Variants in CYP11A1 observed in about 807,000 individuals in gnomAD.
CYP11A1 encodes the protein cytochrome P450 family 11 subfamily A member 1.
CYP11A1 carries 25 observed loss-of-function variants against 51.9 expected under a neutral mutation model. That is an observed-to-expected ratio of 0.48 (90% CI 0.35 to 0.67). The LOEUF (loss-of-function observed/expected upper bound fraction) is 0.67, where lower values mean the gene tolerates loss of function less well. Ranked by LOEUF, CYP11A1 falls within the 30% of genes least tolerant of loss-of-function variation. The pLI, the probability that CYP11A1 is intolerant of heterozygous loss-of-function variation, is 0.00. For synonymous variants in CYP11A1, 245 were observed against 262.1 expected (o/e 0.93, Z 0.63); for missense variants, 578 against 680.9 (o/e 0.85, Z 1.68).
Position 74,345,289 on chromosome 15 carries a change from G to C in CYP11A1, c.426-46C>G, listed in dbSNP as rs2060627915. Reference sequence around the variant, plus strand: ...AAGCCCTCATGGTCACAGACCCCAGGCCTGGTGAACACAGAGGGGGCTGAC... The same window carrying C: ...AAGCCCTCATGGTCACAGACCCCAGCCCTGGTGAACACAGAGGGGGCTGAC... On this transcript the variant is annotated intron_variant, in intron 2 of 8. Coordinates refer to ENST00000268053, the MANE Select transcript of CYP11A1 (RefSeq NM_000781.3). The surrounding 1 kb of genome is among the most constrained non-coding windows in gnomAD (Gnocchi z 4.3). 4 of 1,607,248 alleles carry C rather than the reference G, an allele frequency of 2.5e-6. No individual in the cohort carries two copies. Among genetic ancestry groups the C allele is most frequent in the Non-Finnish European group, 1.7e-6 (2 of 1,173,956 alleles).
In CYP11A1 at chr15:74,367,183, A is replaced by G. The variant is rs1165050548; in HGVS notation, c.269+134T>C. Reference sequence around the variant, plus strand: ...ATATTTCTGTATTGTATTACCAAAAAAAAAAAAAAAAAAGAAGTTAGACAG... The same window carrying G: ...ATATTTCTGTATTGTATTACCAAAAGAAAAAAAAAAAAAGAAGTTAGACAG... On this transcript the variant is annotated intron_variant, in intron 1 of 8. Coordinates refer to ENST00000268053, the MANE Select transcript of CYP11A1 (RefSeq NM_000781.3). 9 of 723,786 alleles carry G rather than the reference A, an allele frequency of 1.2e-5. No homozygotes were observed. In the South Asian group the frequency reaches 2.1e-4, roughly 17 times the overall value. 44.8% of individuals were successfully genotyped at this position (723,786 alleles called of 1,614,324 possible).
intron 1 of CYP11A1, chr15:74,366,277 ATTTT>A (rs759681873): frequency 2.0e-3 from 1,563 of 772,958 alleles, no homozygotes; most frequent in Middle Eastern, 5.1e-3. Flanking sequence ...CCCTCCCCCG[ATTTT>A]TTTTTTTTTT....
intron 1 of CYP11A1, among the ~76,000 whole-genome samples, chr15:74,352,963 A>C (rs1567055355): frequency 6.6e-6 from 1 of 152,230 alleles, no homozygotes; most frequent in African/African-American, 2.4e-5. Context: ...GGGTTGTGAT[A>C]TGGGGAAATA....
At chr15:74,341,159 T>C (rs138618149) in intron 5 of CYP11A1, among the ~76,000 whole-genome samples, 5,383 of 152,264 alleles carry the variant, frequency 0.035, 136 homozygotes, top group Middle Eastern at 0.095. Flanking sequence ...GATGGTAACA[T>C]ACCTTAGAGG....
intron 1 of CYP11A1, among the ~76,000 whole-genome samples, chr15:74,351,106 C>A (rs1406530623): frequency 6.6e-6 from 1 of 152,206 alleles, no homozygotes; most frequent in Non-Finnish European, 1.5e-5. Context: ...GGGGTTTCCA[C>A]GTGGAGAAGC....
chr15:74,340,818 C>T (rs2060603385), intron 5 of CYP11A1, among the ~76,000 whole-genome samples: 1 of 152,044 alleles, frequency 6.6e-6, no homozygotes. Context: ...TCAACACCTG[C>T]CTGCTGCTCC....
At chr15:74,367,293 G>A (rs1408818835) in intron 1 of CYP11A1, 24 bp downstream of exon 1, 1 of 1,614,014 alleles carries the variant, frequency 6.2e-7, no homozygotes, top group East Asian at 2.2e-5. Context: ...TGTCCCTTCG[G>A]CTCCCACCCT....
At chr15:74,343,647 G>A in intron 4 of CYP11A1, 142 bp downstream of exon 4, 1 of 778,906 alleles carries the variant, frequency 1.3e-6, no homozygotes, top group Non-Finnish European at 2.3e-6. Flanking sequence ...GGGGTCCCAG[G>A]GCCTTCCTGA....
Position 74,356,498 on chromosome 15 carries a change from C to G in CYP11A1, c.270-8443G>C, listed in dbSNP as rs540691583. ...AGGGTAAGTCCGTCCCCTTCTTAAT[C>G]AATATGGAGGCTACCAACTCCACAT... On this transcript the variant is annotated intron_variant, in intron 1 of 8. Transcript: ENST00000268053. The G allele has an allele frequency of 2.0e-5, 3 of 152,306 alleles. No homozygotes were observed. The East Asian group carries it at 5.8e-4, about 29-fold the overall frequency. 9.4% of individuals were successfully genotyped at this position (152,306 alleles called of 1,614,324 possible).
intron 6 of CYP11A1, 96 bp downstream of exon 6, chr15:74,339,491 C>T (rs1567051268): frequency 2.0e-6 from 3 of 1,534,752 alleles, no homozygotes; most frequent in Non-Finnish European, 2.7e-6. Flanking sequence ...TTCCAACCTC[C>T]TCCACCAGCC....
Position 74,343,028 on chromosome 15 carries a change from G to A in CYP11A1, c.939C>T (p.Phe313=), listed in dbSNP as rs4986873. 23,256 of 1,613,090 alleles carry A rather than the reference G, an allele frequency of 0.014. 208 individuals are homozygous for A. The highest frequency in any genetic ancestry group is 0.017 in the Non-Finnish European group (19,584 of 1,179,958). The part of the protein sequence containing the change: ...YRLLGDSKMS[F]EDIKANVTEM... Reference sequence around the variant, plus strand: ...CTGTGACGTTGGCCTTGATGTCCTCGAAGGACATCTTGCTGTCTCCCAGGA... The same window carrying A: ...CTGTGACGTTGGCCTTGATGTCCTCAAAGGACATCTTGCTGTCTCCCAGGA... Residue 313 remains phenylalanine, a synonymous_variant, in exon 5 of 9, where the codon TTC becomes TTT. Transcript: ENST00000268053.
At chr15:74,366,268 C>T in intron 1 of CYP11A1, 1 of 946,528 alleles carries the variant, frequency 1.1e-6, no homozygotes, top group South Asian at 5.0e-5. Flanking sequence ...TTCAAATCTC[C>T]CTCCCCCGAT....
At chr15:74,359,873 G>A (rs2141244756) in intron 1 of CYP11A1, among the ~76,000 whole-genome samples, 1 of 152,160 alleles carries the variant, frequency 6.6e-6, no homozygotes, top group Non-Finnish European at 1.5e-5. Flanking sequence ...TATGCAAACT[G>A]GTTAAATATA....
Position 74,367,380 on chromosome 15 carries a change from G to A in CYP11A1, c.206C>T (p.Thr69Met), listed in dbSNP as rs374590366. 26 of 1,614,036 alleles carry A rather than the reference G, an allele frequency of 1.6e-5. No homozygotes were observed. The highest frequency in any genetic ancestry group is 1.6e-4 in the Middle Eastern group (1 of 6,084). ...WLNLYHFWRETGTHKVHLHHV... is the reference protein window; with the variant it reads ...WLNLYHFWREMGTHKVHLHHV... ...GTGAAGGTGGACTTTGTGTGTGCCC[G>A]TCTCCCTCCAGAAATGGTACAGGTT... Residue 69 changes from threonine (T) to methionine (M), a missense_variant, in exon 1 of 9, where the codon ACG becomes ATG. By Grantham distance (81) the Thr-to-Met change is moderately conservative (BLOSUM62 -1). Transcript: ENST00000268053.
chr15:74,366,225 C>A (rs2060732468), intron 1 of CYP11A1: 7 of 984,876 alleles, frequency 7.1e-6, no homozygotes, highest in Non-Finnish European at 7.2e-6. Flanking sequence ...CAAACTTGAC[C>A]ACGCTGCGAC....
At chr15:74,338,988 A>G (rs979985221) in intron 7 of CYP11A1, among the ~76,000 whole-genome samples, 1 of 152,222 alleles carries the variant, frequency 6.6e-6, no homozygotes, top group African/African-American at 2.4e-5. Flanking sequence ...TGAAGACCCA[A>G]GGCCAGGATG....
chr15:74,337,894 G>T lies in CYP11A1; in HGVS notation c.*78C>A, dbSNP rs2060585940. ...GCAGAAAGGAGCAGGACTTGGGACA[G>T]ACGACTGAAGATGCAGAGACCCCAT... On this transcript the variant is annotated 3_prime_UTR_variant, in exon 9 of 9. Coordinates refer to ENST00000268053, the MANE Select transcript of CYP11A1 (RefSeq NM_000781.3). The T allele has an allele frequency of 6.3e-7, 1 of 1,593,650 alleles. No individual in the cohort carries two copies.
In CYP11A1 at chr15:74,343,009, C is replaced by G. The variant is rs974871680; in HGVS notation, c.958G>C (p.Val320Leu). ...ACCCCTCCTGCCAGCATCTCTGTGACGTTGGCCTTGATGTCCTCGAAGGAC... is the reference window on the plus strand; with the variant it reads ...ACCCCTCCTGCCAGCATCTCTGTGAGGTTGGCCTTGATGTCCTCGAAGGAC... ...KMSFEDIKAN[V>L]TEMLAGGVDT... is the part of the protein sequence containing the mutation. Residue 320 changes from valine to leucine, a missense_variant, in exon 5 of 9, where the codon GTC becomes CTC. Val to Leu is a conservative substitution (Grantham distance 32, BLOSUM62 1). Transcript: ENST00000268053. 5.6e-6 allele frequency: 9 copies of G among 1,612,626 alleles called. No homozygotes were observed. The South Asian group carries it at 9.9e-5, about 18-fold the overall frequency.
At chr15:74,344,605 C>T (rs377366566) in intron 3 of CYP11A1, among the ~76,000 whole-genome samples, 1 of 152,318 alleles carries the variant, frequency 6.6e-6, no homozygotes, top group Admixed American at 6.5e-5. Context: ...GACTTCCTTA[C>T]CCCATCTAGA....
Sources: gnomAD v4.1 joint callset for allele counts (sites outside exome capture counted in the v4.1 genomes callset) on GRCh38, gnomAD v4.1.1 for gene constraint, Gnocchi (gnomAD v3.1) non-coding constraint, MANE v1.5 for transcripts, NCBI Gene and HGNC (gene_info 2026-07-23, HGNC 2026-07-21) for gene names.